Variants in NTRK2 observed in about 807,000 individuals in gnomAD.
The protein encoded by NTRK2 is BDNF/NT-3 growth factors receptor.
In NTRK2, 13 loss-of-function variants were observed where a neutral mutation model predicts 94.5. The ratio of observed to expected loss-of-function variants is 0.14; its 90% confidence interval spans 0.09 to 0.22. NTRK2 has a LOEUF of 0.22. Ranked by LOEUF, NTRK2 falls within the 10% of genes least tolerant of loss-of-function variation. The pLI, the probability that NTRK2 is intolerant of heterozygous loss-of-function variation, is 1.00. For synonymous variants in NTRK2, 372 were observed against 407.4 expected (o/e 0.91, Z 1.05); for missense variants, 639 against 1,071.2 (o/e 0.60, Z 5.63).
intron 17 of NTRK2, among the ~76,000 whole-genome samples, chr9:84,981,428 T>A (rs76127437): frequency 1.3e-5 from 2 of 151,716 alleles, no homozygotes; most frequent in South Asian, 4.2e-4. Flanking sequence ...GAAGTCTTGA[T>A]TTTTTTTTCT....
intron 14 of NTRK2, among the ~76,000 whole-genome samples, chr9:84,886,201 G>A (rs1169081411): frequency 1.3e-5 from 2 of 152,164 alleles, no homozygotes; most frequent in Non-Finnish European, 2.9e-5. Context: ...AGAATTTGTT[G>A]TGGACTCAGG....
At chr9:84,874,640 T>C (rs1192878884) in intron 14 of NTRK2, 7 of 1,061,696 alleles carry the variant, frequency 6.6e-6, no homozygotes, top group Non-Finnish European at 8.0e-6. Context: ...GGGAGAGAGC[T>C]ACTTCTTAGT....
rs567428692 is a variant in NTRK2 at position 85,012,920 on chromosome 9, T to A, written c.2173-7286T>A. Among the ~76,000 whole-genome samples the A allele has an allele frequency of 4.6e-5, 7 of 152,338 alleles. No homozygotes were observed. In the East Asian group the frequency reaches 1.2e-3, roughly 25 times the overall value. ...ATTGTTAGCATTAAGGTCCAGCACA[T>A]CTTCTCTTTGACTAATCCAAAAATA... On this transcript the variant is annotated intron_variant, in intron 17 of 18. Transcript: ENST00000277120.
chr9:84,776,936 C>T (rs544367834), intron 12 of NTRK2, among the ~76,000 whole-genome samples: 6 of 152,320 alleles, frequency 3.9e-5, no homozygotes, highest in African/African-American at 1.4e-4. Flanking sequence ...CAGTACCTTT[C>T]TTTGTGAGAT....
At chr9:84,895,868 C>T (rs866826567) in intron 14 of NTRK2, among the ~76,000 whole-genome samples, 5 of 152,166 alleles carry the variant, frequency 3.3e-5, no homozygotes, top group Admixed American at 6.5e-5. Flanking sequence ...AATGGTGCTC[C>T]GAGACCTTTA....
intron 14 of NTRK2, among the ~76,000 whole-genome samples, chr9:84,911,701 A>G (rs1269806166): frequency 1.3e-5 from 2 of 152,058 alleles, no homozygotes; most frequent in Non-Finnish European, 2.9e-5. Context: ...ATTTTCAAAG[A>G]ACCAATTTCT....
Position 84,686,293 on chromosome 9 carries a change from A to G in NTRK2, c.212+15333A>G, listed in dbSNP as rs147514113. Among the ~76,000 whole-genome samples, 79 of 152,350 alleles carry G rather than the reference A, an allele frequency of 5.2e-4. 1 individual carries two copies. In the Middle Eastern group the frequency reaches 0.014, roughly 26 times the overall value. On this transcript the variant is annotated intron_variant, in intron 2 of 18. Transcript: ENST00000277120. ...TACATATCCAACAGGAAGGAGGGAC[A>G]GCAAAGAGAGGGGAGGATGAGGGCG... is the stretch of plus-strand genomic sequence containing the variant.
chr9:84,883,755 A>G (rs919055151), intron 14 of NTRK2, among the ~76,000 whole-genome samples: 9 of 152,218 alleles, frequency 5.9e-5, no homozygotes, highest in African/African-American at 1.4e-4. Context: ...TTTAATCTAT[A>G]TAATCAGCAA....
In NTRK2 at chr9:84,877,103, C is replaced by T. The variant is rs74888891; in HGVS notation, c.1633+9672C>T. ...ATCATCACTCATGTCCTGAATCAAT[C>T]ACACTTTCCTTCTCGGATTGTGTAT... is the stretch of plus-strand genomic sequence containing the variant. On this transcript the variant is annotated intron_variant, in intron 14 of 18. Coordinates refer to ENST00000277120, the MANE Select transcript of NTRK2 (RefSeq NM_006180.6). 1,108 of 1,064,894 alleles carry T rather than the reference C, an allele frequency of 1.0e-3. 15 individuals carry two copies. The African/African-American group carries it at 0.017, about 16-fold the overall frequency. 66.0% of individuals were successfully genotyped at this position (1,064,894 alleles called of 1,614,324 possible). A position where few individuals can be genotyped will look rare whatever the true frequency, so the allele number is the denominator to read the frequency against.
At chr9:85,011,289 C>T (rs1227177022) in intron 17 of NTRK2, among the ~76,000 whole-genome samples, 1 of 152,108 alleles carries the variant, frequency 6.6e-6, no homozygotes, top group East Asian at 1.9e-4. Flanking sequence ...AATTGCCCAC[C>T]TCCTAGTATT....
intron 4 of NTRK2, among the ~76,000 whole-genome samples, chr9:84,705,782 CTTTT>C (rs36124860): frequency 2.1e-4 from 23 of 109,620 alleles, no homozygotes; most frequent in Middle Eastern, 5.2e-3. Context: ...GAAACCCATT[CTTTT>C]TTTTTTTTTT....
At position 85,024,898 on chromosome 9, in the gene NTRK2, C is replaced by T. The variant is rs1832958817; in HGVS notation, c.*3461C>T. On this transcript the variant is annotated 3_prime_UTR_variant, in exon 19 of 19. Coordinates refer to ENST00000277120, the MANE Select transcript of NTRK2 (RefSeq NM_006180.6). Reference sequence around the variant, plus strand: ...ACATCAGCGCTACCTGTGATGTTTTCATGTATTTATGTATGTGTTATAAAT... The same window carrying T: ...ACATCAGCGCTACCTGTGATGTTTTTATGTATTTATGTATGTGTTATAAAT... 1 of 232,838 alleles carries T rather than the reference C, an allele frequency of 4.3e-6. No individual in the cohort carries two copies. The highest frequency in any genetic ancestry group is 1.8e-4 in the South Asian group (1 of 5,528). The allele number at this position is 232,838 out of a possible 1,614,324, so 14.4% of individuals were successfully genotyped here. A position where few individuals can be genotyped will look rare whatever the true frequency, so the allele number is the denominator to read the frequency against.
At chr9:84,773,353 A>G (rs2066735909) in intron 12 of NTRK2, among the ~76,000 whole-genome samples, 1 of 152,200 alleles carries the variant, frequency 6.6e-6, no homozygotes, top group South Asian at 2.1e-4. Flanking sequence ...TGGCAAGACT[A>G]ATAAATATAT....
chr9:84,772,230 A>C (rs778779512), intron 12 of NTRK2, among the ~76,000 whole-genome samples: 7 of 152,116 alleles, frequency 4.6e-5, no homozygotes, highest in Non-Finnish European at 1.0e-4. Context: ...GTGGACATGC[A>C]TCCATTTACT....
chr9:84,701,751 A>G (rs1368753160), intron 2 of NTRK2, among the ~76,000 whole-genome samples: 2 of 152,096 alleles, frequency 1.3e-5, no homozygotes, highest in Non-Finnish European at 2.9e-5. Context: ...AAATGTGGGG[A>G]AATATGTGAC....
chr9:84,764,045 G>A (rs1398720251), intron 12 of NTRK2, among the ~76,000 whole-genome samples: 1 of 152,072 alleles, frequency 6.6e-6, no homozygotes, highest in Non-Finnish European at 1.5e-5. Flanking sequence ...TAAAGGTTTG[G>A]TCAGATTCAG....
At chr9:84,819,776 AGCTATTTT>A (rs2072667804) in intron 12 of NTRK2, among the ~76,000 whole-genome samples, 1 of 152,116 alleles carries the variant, frequency 6.6e-6, no homozygotes, top group Non-Finnish European at 1.5e-5. Flanking sequence ...GATCCAGCAA[AGCTATTTT>A]CCCTTCCTGA....
intron 12 of NTRK2, among the ~76,000 whole-genome samples, chr9:84,752,869 TAA>T (rs1275124543): frequency 2.0e-5 from 3 of 152,210 alleles, no homozygotes; most frequent in African/African-American, 7.2e-5. Flanking sequence ...AGACACTATT[TAA>T]AAGTGTCTAA....
intron 12 of NTRK2, among the ~76,000 whole-genome samples, chr9:84,758,536 C>T (rs997037480): frequency 3.9e-4 from 60 of 152,150 alleles, no homozygotes; most frequent in African/African-American, 1.3e-3. Context: ...GGATTACAGG[C>T]GTGCGCTACC....
Sources: gnomAD v4.1 joint callset for allele counts (sites outside exome capture counted in the v4.1 genomes callset) on GRCh38, gnomAD v4.1.1 for gene constraint, MANE v1.5 for transcripts, NCBI Gene and HGNC (gene_info 2026-07-23, HGNC 2026-07-21) for gene names.